The following COL2A1 variants were observed in gnomAD, a reference collection of about 807,000 sequenced individuals.
COL2A1 encodes the protein collagen alpha-1(II) chain.
Under a neutral mutation model 204.5 loss-of-function variants are expected in COL2A1, and 28 were observed. The ratio of observed to expected loss-of-function variants is 0.14; its 90% CI spans 0.10 to 0.19. The LOEUF (loss-of-function observed/expected upper bound fraction) is 0.19. Among genes scored for constraint, COL2A1 ranks in the 10% least tolerant of loss-of-function variants. COL2A1 has a pLI of 1.00. For missense variants in COL2A1, 1,388 were observed against 2,027.5 expected (o/e 0.68, Z 6.06); for synonymous variants, 708 against 718.7 (o/e 0.99, Z 0.24).
intron 3 of COL2A1, 34 bp from the exon 4 acceptor site, chr12:47,998,235 G>A: frequency 6.2e-7 from 1 of 1,613,994 alleles, no homozygotes; most frequent in Non-Finnish European, 8.5e-7. Context: ...ATTAAGCCGA[G>A]TAAGCCCACT....
intron 33 of COL2A1, 33 bp from the exon 34 acceptor site, chr12:47,982,642 G>T: frequency 6.7e-7 from 1 of 1,500,132 alleles, no homozygotes; most frequent in Non-Finnish European, 9.2e-7. Context: ...GTCTGTAGTG[G>T]ACAGCACCTC....
At position 47,994,553 on chromosome 12, in the gene COL2A1, C is replaced by T. The variant is rs997641812; in HGVS notation, c.763-76G>A. The T allele has an allele frequency of 6.8e-6, 10 of 1,480,736 alleles. No individual in the cohort carries two copies. In the African/African-American group the frequency reaches 9.7e-5, roughly 14 times the overall value. The allele number at this position is 1,480,736 out of a possible 1,614,324, so 91.7% of individuals were successfully genotyped here. A position where few individuals can be genotyped will look rare whatever the true frequency, so the allele number is the denominator to read the frequency against. On this transcript the variant is annotated intron_variant, in intron 11 of 53. Coordinates refer to ENST00000380518, the MANE Select transcript of COL2A1 (RefSeq NM_001844.5). Reference sequence around the variant, plus strand: ...AGTGGGGGCACCCCAGAGGGCTTCCCTCCTTCCAGCCCTCCATGCCTTTGC... The same window carrying T: ...AGTGGGGGCACCCCAGAGGGCTTCCTTCCTTCCAGCCCTCCATGCCTTTGC...
At chr12:47,995,151 G>C (rs2136615604) in intron 11 of COL2A1, 104 bp downstream of exon 11, 1 of 973,902 alleles carries the variant, frequency 1.0e-6, no homozygotes, top group East Asian at 2.4e-5. Flanking sequence ...TGCTCCTCAA[G>C]ATACCTCCAC....
chr12:47,973,593 C>G, intron 53 of COL2A1, 40 bp from the exon 54 acceptor site: 1 of 1,612,652 alleles, frequency 6.2e-7, no homozygotes, highest in East Asian at 2.2e-5. Context: ...TCAGTAGATG[C>G]CTTGCTACCC....
intron 16 of COL2A1, among the ~76,000 whole-genome samples, chr12:47,990,730 C>G (rs1407351322): frequency 6.6e-6 from 1 of 152,234 alleles, no homozygotes; most frequent in Non-Finnish European, 1.5e-5. Flanking sequence ...AGGTTGCCAG[C>G]TCCTTCTCTA....
In COL2A1 at chr12:47,983,037, A is replaced by T. The variant is rs577113330; in HGVS notation, c.2094+56T>A. 16 of 1,610,056 alleles carry T rather than the reference A, an allele frequency of 9.9e-6. No homozygotes were observed. In the East Asian group the frequency reaches 3.6e-4, roughly 36 times the overall value. ...GGGAGGTGGGGAAAGGAGCAGGAGC[A>T]TAGGACCCAGGGCAGGCCCAAGGAG... On this transcript the variant is annotated intron_variant, in intron 32 of 53. Coordinates refer to ENST00000380518, the MANE Select transcript of COL2A1 (RefSeq NM_001844.5).
chr12:48,004,193 C>T (rs1332467369), intron 1 of COL2A1, 44 bp downstream of exon 1: 3 of 1,354,902 alleles, frequency 2.2e-6, no homozygotes, highest in East Asian at 2.5e-5. Context: ...TGCTGAGGGA[C>T]GCATGGAAAG....
chr12:47,996,619 C>T lies in COL2A1; in HGVS notation c.538G>A (p.Ala180Thr), dbSNP rs1592234056. The change falls in exon 8 of 54, where the codon GCT becomes ACT. Residue 180 changes from alanine (A) to threonine (T), a missense_variant. Around this residue, in one of 3 missense-constraint regions of COL2A1, gnomAD observed 201 missense variants for 242.4 expected, o/e 0.83. Coordinates refer to ENST00000380518, the MANE Select transcript of COL2A1 (RefSeq NM_001844.5). ...PGPPGLGGNF[A>T]AQMAGGFDEK... is the part of the protein sequence containing the mutation. ...TCAAATCCTCCAGCCATCTGGGCAGCAAAGTTCTGCAAAGAAACCCAACAA... is the reference window on the plus strand; with the variant it reads ...TCAAATCCTCCAGCCATCTGGGCAGTAAAGTTCTGCAAAGAAACCCAACAA... 6.2e-7 allele frequency: 1 copy of T among 1,614,022 alleles called. No homozygotes were observed. Among genetic ancestry groups the T allele is most frequent in the Non-Finnish European group, 8.5e-7 (1 of 1,180,012 alleles).
chr12:47,995,462 C>T lies in COL2A1; in HGVS notation c.709-154G>A, dbSNP rs12423250. Among the ~76,000 whole-genome samples the T allele has an allele frequency of 0.2, 30,308 of 152,152 alleles. 3,272 individuals carry two copies. Among genetic ancestry groups the T allele is most frequent in the African/African-American group, 0.28 (11,639 of 41,486 alleles). ...CAAAGGTGCAGAGATCATAGTGGGACGCAGCAGATAGCACAGGCTGGGGTG... is the reference window on the plus strand; with the variant it reads ...CAAAGGTGCAGAGATCATAGTGGGATGCAGCAGATAGCACAGGCTGGGGTG... On this transcript the variant is annotated intron_variant, in intron 10 of 53. Transcript: ENST00000380518.
intron 41 of COL2A1, among the ~76,000 whole-genome samples, chr12:47,979,122 C>T (rs186350460): frequency 1.4e-4 from 22 of 152,212 alleles, no homozygotes; most frequent in Admixed American, 1.4e-3. Flanking sequence ...CTGCCTATGG[C>T]GCTGGTGAAC....
At position 47,978,224 on chromosome 12, in the gene COL2A1, T is replaced by G. The variant is rs2136525766; in HGVS notation, c.3003+67A>C. ...AGACAAGGGACAGTCCTGAGGGTGC[T>G]GAGGGAGGTAGAAGCCTTGGCAGGC... On this transcript the variant is annotated intron_variant, in intron 43 of 53. Coordinates refer to ENST00000380518, the MANE Select transcript of COL2A1 (RefSeq NM_001844.5). This position sits in a 1 kb window ranked among gnomAD's most constrained non-coding sequence, Gnocchi z 5.5. The G allele has an allele frequency of 6.3e-7, 1 of 1,594,578 alleles. No individual in the cohort carries two copies. The highest frequency in any genetic ancestry group is 8.6e-7 in the Non-Finnish European group (1 of 1,166,156).
In COL2A1 at chr12:47,979,549, G is replaced by T; in HGVS notation, c.2695C>A (p.Pro899Thr). ...AQGPPGATGF[P>T]GAAGRVGPPG... is the part of the protein sequence containing the mutation. ...GGTCCAACGCGGCCAGCAGCTCCAG[G>T]GAATCCAGTGGCTCCCTGTGTGGGG... Residue 899 changes from proline to threonine, a missense_variant, in exon 41 of 54, where the codon CCT (proline) becomes ACT (threonine). Pro to Thr is a conservative substitution (Grantham distance 38). Coordinates refer to ENST00000380518, the MANE Select transcript of COL2A1 (RefSeq NM_001844.5). 1 of 1,613,396 alleles carries T rather than the reference G, an allele frequency of 6.2e-7. No homozygotes were observed. Among genetic ancestry groups the T allele is most frequent in the South Asian group, 1.1e-5 (1 of 91,062 alleles).
chr12:47,980,789 A>G lies in COL2A1; in HGVS notation c.2517+126T>C. The G allele has an allele frequency of 1.4e-6, 2 of 1,389,024 alleles. No homozygotes were observed. The highest frequency in any genetic ancestry group is 2.5e-5 in the South Asian group (2 of 80,826). The allele number at this position is 1,389,024 out of a possible 1,614,324, so 86.0% of individuals were successfully genotyped here. ...GTCTGGACATGATGGTTCTATTAGT[A>G]TGGAGGCGGGAAAGGAGAGGAGAGG... On this transcript the variant is annotated intron_variant, in intron 38 of 53. Transcript: ENST00000380518. This position sits in a 1 kb window ranked among gnomAD's most constrained non-coding sequence, Gnocchi z 4.5.
intron 21 of COL2A1, 82 bp downstream of exon 21, chr12:47,986,996 G>T: frequency 6.3e-7 from 1 of 1,581,108 alleles, no homozygotes; most frequent in Non-Finnish European, 8.7e-7. Context: ...TGAGGCCAGG[G>T]CAGGAGAGCA....
intron 3 of COL2A1, 32 bp from the exon 4 acceptor site, chr12:47,998,233 G>A (rs773855840): frequency 6.8e-6 from 11 of 1,613,872 alleles, no homozygotes; most frequent in African/African-American, 4.0e-5. Flanking sequence ...GGATTAAGCC[G>A]AGTAAGCCCA....
chr12:47,977,977 A>T, intron 44 of COL2A1, 33 bp downstream of exon 44: 1 of 1,589,870 alleles, frequency 6.3e-7, no homozygotes, highest in South Asian at 1.1e-5. Flanking sequence ...CCTCTCCCCA[A>T]TCAGGGCCAC....
intron 29 of COL2A1, 92 bp from the exon 30 acceptor site, chr12:47,983,828 G>A (rs1336481076): frequency 7.4e-7 from 1 of 1,342,492 alleles, no homozygotes; most frequent in African/African-American, 1.5e-5. Flanking sequence ...AGCAGGGTGG[G>A]CAGCACAGGC....
chr12:47,993,646 T>C, intron 14 of COL2A1, 144 bp from the exon 15 acceptor site: 1 of 1,097,632 alleles, frequency 9.1e-7, no homozygotes, highest in East Asian at 2.4e-5. Flanking sequence ...CCCTGAGCTC[T>C]CCAGGCCTGC....
At position 47,987,536 on chromosome 12, in the gene COL2A1, G is replaced by T; in HGVS notation, c.1221+75C>A. On this transcript the variant is annotated intron_variant, in intron 19 of 53. Coordinates refer to ENST00000380518, the MANE Select transcript of COL2A1 (RefSeq NM_001844.5). The surrounding 1 kb of genome is among the most constrained non-coding windows in gnomAD (Gnocchi z 4.1). ...TGGTGGTTGGAGCCCACAACTGTCA[G>T]AGCAAAGTACAGAGTCAAGAGTTCC... 7.4e-7 allele frequency: 1 copy of T among 1,353,470 alleles called. No individual in the cohort carries two copies. 83.8% of individuals were successfully genotyped at this position (1,353,470 alleles called of 1,614,324 possible).
Sources: gnomAD v4.1 joint callset for allele counts (sites outside exome capture counted in the v4.1 genomes callset) on GRCh38, gnomAD v4.1.1 for gene constraint, gnomAD v4.1.1 regional missense constraint, Gnocchi (gnomAD v3.1) non-coding constraint, MANE v1.5 for transcripts, NCBI Gene and HGNC (gene_info 2026-07-23, HGNC 2026-07-21) for gene names.